CREB5: variants seen among roughly 807,000 people sequenced by gnomAD.
The protein encoded by CREB5 is cAMP responsive element binding protein 5.
A neutral mutation model predicts 57.1 loss-of-function variants in CREB5; 19 were observed. The observed-to-expected ratio is 0.33, with a 90% confidence interval of 0.23 to 0.49. The LOEUF (loss-of-function observed/expected upper bound fraction) is 0.49. Among genes scored for constraint, CREB5 ranks in the 20% least tolerant of loss-of-function variants. CREB5 has a pLI of 0.99. For missense variants in CREB5, 579 were observed against 671.6 expected (o/e 0.86, Z 1.52); for synonymous variants, 238 against 238.3 (o/e 1.00, Z 0.01).
chr7:28,498,873 T>C (rs1792163764), intron 3 of CREB5, among the ~76,000 whole-genome samples: 1 of 152,174 alleles, frequency 6.6e-6, no homozygotes, highest in African/African-American at 2.4e-5. Context: ...GCTGTTCTCA[T>C]TGTGAAAAAG....
chr7:28,550,379 C>T (rs1311231702), intron 4 of CREB5, among the ~76,000 whole-genome samples: 1 of 152,130 alleles, frequency 6.6e-6, no homozygotes, highest in Non-Finnish European at 1.5e-5. Context: ...TGCAGGATAC[C>T]CTTCTAAGGG....
intron 1 of CREB5, among the ~76,000 whole-genome samples, chr7:28,475,225 C>T (rs147961931): frequency 6.9e-6 from 1 of 143,996 alleles, no homozygotes; most frequent in Admixed American, 6.9e-5. Flanking sequence ...AGCTAACTAA[C>T]ACTTCATGCG....
chr7:28,516,659 A>G (rs1052257254), intron 4 of CREB5, among the ~76,000 whole-genome samples: 1 of 152,172 alleles, frequency 6.6e-6, no homozygotes, highest in Non-Finnish European at 1.5e-5. Flanking sequence ...TAAAACAATT[A>G]GGAAGCTCCG....
At chr7:28,574,526 T>C (rs757648519) in intron 5 of CREB5, among the ~76,000 whole-genome samples, 1 of 152,228 alleles carries the variant, frequency 6.6e-6, no homozygotes, top group Non-Finnish European at 1.5e-5. Flanking sequence ...TTCTTCTTTA[T>C]GGATAAGTGA....
At chr7:28,807,186 C>T (rs572806831) in intron 8 of CREB5, among the ~76,000 whole-genome samples, 33 of 152,254 alleles carry the variant, frequency 2.2e-4, no homozygotes, top group African/African-American at 7.9e-4. Context: ...CGGTGGCTCA[C>T]GCCTGTAATC....
intron 1 of CREB5, among the ~76,000 whole-genome samples, chr7:28,309,667 T>C (rs1785242763): frequency 6.6e-6 from 1 of 152,190 alleles, no homozygotes. Context: ...TGGCTCCTTT[T>C]TGATACTGAT....
intron 5 of CREB5, among the ~76,000 whole-genome samples, chr7:28,643,103 A>C (rs769396370): frequency 2.5e-4 from 38 of 151,790 alleles, no homozygotes; most frequent in Non-Finnish European, 5.4e-4. Flanking sequence ...ATAAATTCTC[A>C]ATTGTCGGGT....
intron 1 of CREB5, among the ~76,000 whole-genome samples, chr7:28,364,955 G>T (rs1166357021): frequency 1.3e-5 from 2 of 152,016 alleles, no homozygotes; most frequent in Non-Finnish European, 2.9e-5. Context: ...ACTGGTACCT[G>T]GTTCATGGTC....
chr7:28,819,317 G>C lies in CREB5; in HGVS notation c.*38G>C. Reference sequence around the variant, plus strand: ...GACCTGGCCTCCAAGAAGAGCTGTAGCGTACCATGCGTCCTTTCTTTTAAG... The same window carrying C: ...GACCTGGCCTCCAAGAAGAGCTGTACCGTACCATGCGTCCTTTCTTTTAAG... On this transcript the variant is annotated 3_prime_UTR_variant, in exon 11 of 11. Coordinates refer to ENST00000357727, the MANE Select transcript of CREB5 (RefSeq NM_182898.4). The C allele has an allele frequency of 1.3e-6, 2 of 1,584,132 alleles. No homozygotes were observed. Among genetic ancestry groups the C allele is most frequent in the Non-Finnish European group, 8.6e-7 (1 of 1,165,664 alleles).
intron 1 of CREB5, among the ~76,000 whole-genome samples, chr7:28,441,231 A>G (rs900155891): frequency 1.3e-5 from 2 of 152,344 alleles, no homozygotes; most frequent in Non-Finnish European, 2.9e-5. Context: ...AAAAGTTTGC[A>G]TTTGGTTGAA....
intron 1 of CREB5, among the ~76,000 whole-genome samples, chr7:28,354,069 T>C (rs1282681387): frequency 2.0e-5 from 3 of 152,096 alleles, no homozygotes; most frequent in Non-Finnish European, 4.4e-5. Context: ...CAGAATAAAA[T>C]TTAGGCACGA....
chr7:28,783,739 T>C (rs1008971002), intron 7 of CREB5, among the ~76,000 whole-genome samples: 1 of 152,048 alleles, frequency 6.6e-6, no homozygotes, highest in Non-Finnish European at 1.5e-5. Flanking sequence ...GGCTCACTGG[T>C]AAAATGGGCC....
At chr7:28,446,403 G>T (rs1158944880) in intron 1 of CREB5, among the ~76,000 whole-genome samples, 5 of 152,194 alleles carry the variant, frequency 3.3e-5, no homozygotes, top group African/African-American at 1.2e-4. Flanking sequence ...TTCTTTGAGA[G>T]CAGAGAGCAC....
At chr7:28,302,456 A>T (rs112700422) in intron 1 of CREB5, among the ~76,000 whole-genome samples, 22 of 152,246 alleles carry the variant, frequency 1.4e-4, no homozygotes, top group African/African-American at 5.3e-4. Context: ...ATCAAACTAC[A>T]TGGAACATAA....
At chr7:28,735,155 C>CT (rs569419268) in intron 7 of CREB5, among the ~76,000 whole-genome samples, 338 of 151,742 alleles carry the variant, frequency 2.2e-3, no homozygotes, top group African/African-American at 7.5e-3. Flanking sequence ...TTTGGTATTA[C>CT]TTTTTTTGCT....
intron 1 of CREB5, among the ~76,000 whole-genome samples, chr7:28,376,820 G>A (rs1467749187): frequency 2.0e-5 from 3 of 152,198 alleles, no homozygotes; most frequent in East Asian, 3.9e-4. Context: ...AGAAGAAGCT[G>A]GGGCAAATTG....
chr7:28,707,937 T>A (rs1802203866), intron 5 of CREB5, among the ~76,000 whole-genome samples: 1 of 152,218 alleles, frequency 6.6e-6, no homozygotes, highest in African/African-American at 2.4e-5. Context: ...ACTTTTCCCA[T>A]TAAGTCTTCC....
intron 4 of CREB5, among the ~76,000 whole-genome samples, chr7:28,529,935 C>T (rs1793650221): frequency 6.6e-6 from 1 of 152,228 alleles, no homozygotes; most frequent in African/African-American, 2.4e-5. Context: ...TGAGCACCTA[C>T]TATTTGCCAG....
chr7:28,360,847 G>A (rs1266768467), intron 1 of CREB5, among the ~76,000 whole-genome samples: 1 of 152,142 alleles, frequency 6.6e-6, no homozygotes, highest in Non-Finnish European at 1.5e-5. Context: ...CATTCCTAGT[G>A]GTGTGTGATG....
Sources: gnomAD v4.1 joint callset for allele counts (sites outside exome capture counted in the v4.1 genomes callset) on GRCh38, gnomAD v4.1.1 for gene constraint, MANE v1.5 for transcripts, NCBI Gene and HGNC (gene_info 2026-07-23, HGNC 2026-07-21) for gene names.